Variants in GRIN2A observed in about 807,000 individuals in gnomAD.
GRIN2A encodes the protein glutamate ionotropic receptor NMDA type subunit 2A.
A neutral mutation model predicts 113.4 loss-of-function variants in GRIN2A; 22 were observed. The ratio of observed to expected loss-of-function variants is 0.19; its 90% confidence interval spans 0.14 to 0.28. The LOEUF is 0.28. Among genes scored for constraint, GRIN2A ranks in the 10% least tolerant of loss-of-function variants. The probability of loss-of-function intolerance (pLI) is 1.00; values close to 1 mark genes in which losing one functional copy is unlikely to be tolerated. For missense variants in GRIN2A, 1,502 were observed against 1,887.0 expected (o/e 0.80, Z 3.78); for synonymous variants, 827 against 738.4 (o/e 1.12, Z -1.94).
At chr16:10,039,783 A>AGAGGGAGAGGGG (rs2047110166) in intron 2 of GRIN2A, among the ~76,000 whole-genome samples, 1 of 6,972 alleles carries the variant, frequency 1.4e-4, no homozygotes, top group Non-Finnish European at 2.7e-4. Context: ...AGGGAGGGGG[A>AGAGGGAGAGGGG]GGGGGAGGGG....
At chr16:9,771,512 A>G (rs1453939805) in intron 11 of GRIN2A, among the ~76,000 whole-genome samples, 3 of 152,030 alleles carry the variant, frequency 2.0e-5, no homozygotes, top group Non-Finnish European at 4.4e-5. Context: ...TAAAACTTTC[A>G]TATATTTAAT....
chr16:9,882,360 T>C (rs1384452508), intron 4 of GRIN2A, among the ~76,000 whole-genome samples: 2 of 152,216 alleles, frequency 1.3e-5, no homozygotes, highest in Non-Finnish European at 2.9e-5. Flanking sequence ...ATAGCTTTTG[T>C]AAGATCTCCT....
intron 4 of GRIN2A, among the ~76,000 whole-genome samples, chr16:9,855,337 C>T (rs960066990): frequency 1.3e-5 from 2 of 152,254 alleles, no homozygotes; most frequent in Non-Finnish European, 2.9e-5. Flanking sequence ...CAACAAACAT[C>T]TCTTAATGCA....
chr16:9,962,416 G>A (rs573362349), intron 2 of GRIN2A, among the ~76,000 whole-genome samples: 1 of 151,816 alleles, frequency 6.6e-6, no homozygotes, highest in East Asian at 1.9e-4. Flanking sequence ...AAATTTACAA[G>A]AAAAAAACAA....
At chr16:9,792,067 G>A (rs1193482060) in intron 11 of GRIN2A, among the ~76,000 whole-genome samples, 2 of 148,256 alleles carry the variant, frequency 1.3e-5, no homozygotes, top group Non-Finnish European at 3.0e-5. Context: ...GAGGGAACCT[G>A]ATGAAGTAAA....
At chr16:10,099,861 G>T (rs1023553038) in intron 2 of GRIN2A, among the ~76,000 whole-genome samples, 1 of 152,186 alleles carries the variant, frequency 6.6e-6, no homozygotes, top group Non-Finnish European at 1.5e-5. Context: ...TGAAGTTCCT[G>T]AGGTGCCGAG....
At chr16:10,116,328 G>GGA (rs1451311214) in intron 2 of GRIN2A, among the ~76,000 whole-genome samples, 1 of 152,194 alleles carries the variant, frequency 6.6e-6, no homozygotes, top group Non-Finnish European at 1.5e-5. Flanking sequence ...GGTGGGGAAG[G>GGA]GAGAGCATCA....
chr16:9,775,873 TG>T (rs1307036398), intron 11 of GRIN2A, among the ~76,000 whole-genome samples: 2 of 152,126 alleles, frequency 1.3e-5, no homozygotes, highest in Non-Finnish European at 2.9e-5. Flanking sequence ...GATGAGTGAG[TG>T]TGCAATGTCT....
intron 2 of GRIN2A, among the ~76,000 whole-genome samples, chr16:9,967,430 G>A (rs12923508): frequency 0.31 from 47,563 of 152,106 alleles, 7,902 homozygotes; most frequent in African/African-American, 0.36. Flanking sequence ...AATGGGCCGG[G>A]CACAGTGACT....
intron 5 of GRIN2A, among the ~76,000 whole-genome samples, chr16:9,844,504 C>A (rs183287744): frequency 6.6e-6 from 1 of 152,204 alleles, no homozygotes; most frequent in Admixed American, 6.5e-5. Flanking sequence ...ACTACACAGA[C>A]TGAGAAATGG....
At chr16:10,118,164 C>T (rs577629350) in intron 2 of GRIN2A, among the ~76,000 whole-genome samples, 5 of 152,276 alleles carry the variant, frequency 3.3e-5, no homozygotes, top group Non-Finnish European at 5.9e-5. Flanking sequence ...CAGAGGAAAG[C>T]GGAGCCCAGG....
chr16:9,896,684 A>G (rs949159974), intron 3 of GRIN2A, among the ~76,000 whole-genome samples: 2 of 150,662 alleles, frequency 1.3e-5, no homozygotes, highest in Admixed American at 1.3e-4. Context: ...GGGAGGGGGG[A>G]AAAAAAAACC....
chr16:9,786,159 T>G (rs546121065), intron 11 of GRIN2A, among the ~76,000 whole-genome samples: 1 of 152,310 alleles, frequency 6.6e-6, no homozygotes, highest in East Asian at 1.9e-4. Flanking sequence ...TTCTGGAGAT[T>G]ATGCAGCTCC....
intron 11 of GRIN2A, among the ~76,000 whole-genome samples, chr16:9,769,451 C>CTTTTTTT (rs34847596): frequency 9.5e-6 from 1 of 104,890 alleles, no homozygotes; most frequent in Non-Finnish European, 1.9e-5. Flanking sequence ...GGAGTTTTGT[C>CTTTTTTT]TTTTTTTTTT....
At chr16:10,061,388 T>C (rs190098264) in intron 2 of GRIN2A, among the ~76,000 whole-genome samples, 123 of 152,342 alleles carry the variant, frequency 8.1e-4, no homozygotes, top group African/African-American at 2.6e-3. Flanking sequence ...CAGGCTTATT[T>C]ATTGGCAAAC....
At position 9,834,157 on chromosome 16, in the gene GRIN2A, G is replaced by C. The variant is rs762350220; in HGVS notation, c.1725C>G (p.Val575=). Residue 575 remains valine (V), a synonymous_variant, in exon 8 of 13, where the codon GTC becomes GTG. Transcript: ENST00000330684. ...ATCCAACAGGGCTGAAGTATTCAAAGACAAAAACAGCTATGGCAGAAACAA... is the reference window on the plus strand; with the variant it reads ...ATCCAACAGGGCTGAAGTATTCAAACACAAAAACAGCTATGGCAGAAACAA... The part of the protein sequence containing the change: ...LLIVSAIAVF[V]FEYFSPVGYN... 7 of 1,613,546 alleles carry C rather than the reference G, an allele frequency of 4.3e-6. No homozygotes were observed. Among genetic ancestry groups the C allele is most frequent in the Non-Finnish European group, 5.1e-6 (6 of 1,179,490 alleles).
chr16:9,931,450 T>G (rs533368218), intron 3 of GRIN2A, among the ~76,000 whole-genome samples: 1 of 152,196 alleles, frequency 6.6e-6, no homozygotes, highest in African/African-American at 2.4e-5. Context: ...GATGTCTATC[T>G]TACACACGCA....
At chr16:10,031,434 A>C (rs765317988) in intron 2 of GRIN2A, 1 of 152,204 alleles carries the variant, frequency 6.6e-6, no homozygotes, top group Non-Finnish European at 1.5e-5. Context: ...TCCCAGCCAC[A>C]CTGCTTCCTG....
At chr16:10,104,569 C>A (rs1045771518) in intron 2 of GRIN2A, among the ~76,000 whole-genome samples, 3 of 152,276 alleles carry the variant, frequency 2.0e-5, no homozygotes, top group South Asian at 2.1e-4. Flanking sequence ...TGCACGAGCA[C>A]AATTTTACGT....
Sources: gnomAD v4.1 joint callset for allele counts (sites outside exome capture counted in the v4.1 genomes callset) on GRCh38, gnomAD v4.1.1 for gene constraint, MANE v1.5 for transcripts, NCBI Gene and HGNC (gene_info 2026-07-23, HGNC 2026-07-21) for gene names.